Variants in CYYR1 observed in about 807,000 individuals in gnomAD.
CYYR1 encodes cysteine and tyrosine-rich protein 1.
Under a neutral mutation model 15.2 loss-of-function variants are expected in CYYR1, and 14 were observed. The observed-to-expected ratio is 0.92, with a 90% CI of 0.61 to 1.44. The LOEUF is 1.44. Ranked by LOEUF, CYYR1 falls within the 40% of genes most tolerant of loss-of-function variation. The pLI is 0.00. For missense variants in CYYR1, 228 were observed against 209.5 expected (o/e 1.09, Z -0.54); for synonymous variants, 80 against 77.4 (o/e 1.03, Z -0.18).
intron 2 of CYYR1, among the ~76,000 whole-genome samples, chr21:26,548,336 G>T (rs1979128313): frequency 6.6e-6 from 1 of 152,076 alleles, no homozygotes; most frequent in Non-Finnish European, 1.5e-5. Context: ...TTTTGGTAAG[G>T]TTTATTTGTC....
At chr21:26,549,831 GAAT>G (rs1276162449) in intron 2 of CYYR1, among the ~76,000 whole-genome samples, 1 of 152,050 alleles carries the variant, frequency 6.6e-6, no homozygotes, top group African/African-American at 2.4e-5. Context: ...AATTTAAAAA[GAAT>G]AAGAAAAAAT....
chr21:26,525,385 A>G (rs548250526), intron 2 of CYYR1, among the ~76,000 whole-genome samples: 85 of 152,296 alleles, frequency 5.6e-4, no homozygotes, highest in African/African-American at 2.0e-3. Flanking sequence ...CCTCAGCCCC[A>G]TAATAGCTCA....
At chr21:26,520,213 C>T (rs987868994) in intron 2 of CYYR1, among the ~76,000 whole-genome samples, 9 of 150,578 alleles carry the variant, frequency 6.0e-5, no homozygotes, top group African/African-American at 2.2e-4. Context: ...GACCCATCCT[C>T]TAAGTTCCCT....
Position 26,573,179 on chromosome 21 carries a change from C to T in CYYR1, c.-239G>A. The T allele has an allele frequency of 6.8e-7, 1 of 1,476,332 alleles. No homozygotes were observed. 91.5% of individuals were successfully genotyped at this position (1,476,332 alleles called of 1,614,324 possible). ...CCCGAGACGGGCTGCGCTGGGGGCC[C>T]AGGTCTCTTTGTCTCGCCCCACTGC... On this transcript the variant is annotated 5_prime_UTR_variant, in exon 1 of 4. The change creates a premature stop within an existing upstream ORF in the 5' untranslated region. Transcript: ENST00000652641.
At chr21:26,514,717 A>G (rs747311448) in intron 2 of CYYR1, among the ~76,000 whole-genome samples, 4 of 152,214 alleles carry the variant, frequency 2.6e-5, no homozygotes, top group Non-Finnish European at 5.9e-5. Context: ...TTTGAGCACT[A>G]ACCATATGTC....
At chr21:26,482,350 T>A (rs1030716465) in intron 2 of CYYR1, 12 of 985,284 alleles carry the variant, frequency 1.2e-5, no homozygotes, top group Admixed American at 6.2e-5. Flanking sequence ...CCTAGAAATC[T>A]TTCCCACATT....
chr21:26,473,338 G>C (rs150754), intron 3 of CYYR1, among the ~76,000 whole-genome samples: 30,016 of 151,444 alleles, frequency 0.2, 3,102 homozygotes, highest in African/African-American at 0.22. Flanking sequence ...TCCATTACCC[G>C]CATCCCCAGC....
At chr21:26,499,784 G>T (rs564605069) in intron 2 of CYYR1, among the ~76,000 whole-genome samples, 2 of 151,942 alleles carry the variant, frequency 1.3e-5, no homozygotes, top group South Asian at 4.2e-4. Context: ...TTGAGCAGTG[G>T]AAAGGAAAAC....
At chr21:26,559,102 T>G (rs1366622116) in intron 2 of CYYR1, among the ~76,000 whole-genome samples, 1 of 152,164 alleles carries the variant, frequency 6.6e-6, no homozygotes, top group Non-Finnish European at 1.5e-5. Flanking sequence ...TGAGAGCCCT[T>G]TTATCTTTGC....
At chr21:26,510,749 A>T (rs1321574950) in intron 2 of CYYR1, among the ~76,000 whole-genome samples, 1 of 152,234 alleles carries the variant, frequency 6.6e-6, no homozygotes, top group Non-Finnish European at 1.5e-5. Flanking sequence ...GACTTCAAAA[A>T]GATATTGAAT....
intron 2 of CYYR1, among the ~76,000 whole-genome samples, chr21:26,488,945 T>C (rs1343543815): frequency 3.9e-5 from 6 of 152,134 alleles, no homozygotes; most frequent in Non-Finnish European, 7.4e-5. Flanking sequence ...AGTTTGAGTG[T>C]GAATGTATGT....
intron 2 of CYYR1, among the ~76,000 whole-genome samples, chr21:26,504,418 G>A (rs956930768): frequency 1.3e-5 from 2 of 151,896 alleles, no homozygotes; most frequent in East Asian, 1.9e-4. Context: ...TTACAGGCGC[G>A]TACCACCACG....
At chr21:26,565,254 C>T (rs1288752322) in intron 2 of CYYR1, among the ~76,000 whole-genome samples, 1 of 152,110 alleles carries the variant, frequency 6.6e-6, no homozygotes, top group African/African-American at 2.4e-5. Flanking sequence ...TTTCTATTCT[C>T]GGGAAATGGA....
chr21:26,482,488 G>A, intron 2 of CYYR1: 1 of 985,230 alleles, frequency 1.0e-6, no homozygotes, highest in Non-Finnish European at 1.2e-6. Context: ...TTCCCCTTGA[G>A]CCCTGTTTGC....
At chr21:26,526,458 CA>C (rs2065867163) in intron 2 of CYYR1, among the ~76,000 whole-genome samples, 1 of 151,548 alleles carries the variant, frequency 6.6e-6, no homozygotes, top group Non-Finnish European at 1.5e-5. Context: ...CACCCCCCAA[CA>C]ACAACAACAA....
intron 2 of CYYR1, among the ~76,000 whole-genome samples, chr21:26,492,009 C>T (rs570124649): frequency 6.6e-6 from 1 of 152,340 alleles, no homozygotes; most frequent in African/African-American, 2.4e-5. Context: ...CCTGCCCAGT[C>T]ACACCTCCTC....
chr21:26,496,243 A>C (rs1377882722), intron 2 of CYYR1, among the ~76,000 whole-genome samples: 1 of 152,218 alleles, frequency 6.6e-6, no homozygotes, highest in African/African-American at 2.4e-5. Flanking sequence ...ATATTTTCAC[A>C]AAGGGGTCTG....
At chr21:26,542,000 A>G (rs1978580995) in intron 2 of CYYR1, among the ~76,000 whole-genome samples, 2 of 152,208 alleles carry the variant, frequency 1.3e-5, no homozygotes, top group South Asian at 4.1e-4. Context: ...GGACAAACAG[A>G]AAAGATAACA....
chr21:26,565,320 GACTT>G (rs1216065844), intron 2 of CYYR1, among the ~76,000 whole-genome samples: 1 of 152,132 alleles, frequency 6.6e-6, no homozygotes, highest in Non-Finnish European at 1.5e-5. Context: ...AGGCACATAT[GACTT>G]AGCGCCTAAT....
Sources: allele counts gnomAD v4.1 joint callset (sites outside exome capture counted in the v4.1 genomes callset), GRCh38; gene constraint gnomAD v4.1.1; transcripts MANE v1.5; gene names NCBI Gene and HGNC (gene_info 2026-07-23, HGNC 2026-07-21).